Variants in PLEKHG1 observed in about 807,000 individuals in gnomAD.
PLEKHG1 encodes pleckstrin homology and RhoGEF domain containing G1.
A neutral mutation model predicts 100.8 loss-of-function variants in PLEKHG1; 44 were observed. The observed-to-expected ratio is 0.44, with a 90% CI of 0.34 to 0.56. The LOEUF (loss-of-function observed/expected upper bound fraction) is 0.56. Ranked by LOEUF, PLEKHG1 falls within the 20% of genes least tolerant of loss-of-function variation. The pLI, the probability that PLEKHG1 is intolerant of heterozygous loss-of-function variation, is 0.01. For missense variants in PLEKHG1, 1,545 were observed against 1,720.9 expected (o/e 0.90, Z 1.81); for synonymous variants, 640 against 662.5 (o/e 0.97, Z 0.52).
chr6:150,782,857 C>T (rs1291985830), intron 3 of PLEKHG1, among the ~76,000 whole-genome samples: 1 of 152,042 alleles, frequency 6.6e-6, no homozygotes, highest in Non-Finnish European at 1.5e-5. Context: ...CGTTGTGGCT[C>T]ATTTTCAAAT....
chr6:150,674,660 TCTCTCTCTCTCTCTCTCTCTCTCC>T lies in PLEKHG1; in HGVS notation c.-99+23876_-99+23899del, dbSNP rs1343724738. ...CTCTCTCTCTCTCTCTCTCTCTCTC[TCTCTCTCTCTCTCTCTCTCTCTCC>T]CCCCTCTTCTCTTCTTTCCATGGAG... On this transcript the variant is annotated intron_variant, in intron 3 of 3. Transcript: ENST00000367326. 4.3e-5 allele frequency among the ~76,000 whole-genome samples: 6 copies of T among 140,996 alleles called. No individual in the cohort carries two copies. In the East Asian group the frequency reaches 6.1e-4, roughly 14 times the overall value. The allele number at this position is 140,996 out of a possible 152,430, so 92.5% of individuals were successfully genotyped here.
At chr6:150,612,648 GAA>G (rs1271029859) in intron 1 of PLEKHG1, among the ~76,000 whole-genome samples, 1 of 152,068 alleles carries the variant, frequency 6.6e-6, no homozygotes, top group Admixed American at 6.6e-5. Flanking sequence ...GTGTTTTAAT[GAA>G]GACTTCTTCT....
chr6:150,818,502 C>G (rs759607210), intron 11 of PLEKHG1, among the ~76,000 whole-genome samples: 1 of 152,166 alleles, frequency 6.6e-6, no homozygotes, highest in Non-Finnish European at 1.5e-5. Flanking sequence ...TACCCCTACC[C>G]CTGCCCCAAC....
At chr6:150,705,999 C>T (rs768801673) in intron 3 of PLEKHG1, among the ~76,000 whole-genome samples, 1 of 152,082 alleles carries the variant, frequency 6.6e-6, no homozygotes, top group Non-Finnish European at 1.5e-5. Flanking sequence ...TTTTTCCTTG[C>T]CCGTAAATCC....
intron 2 of PLEKHG1, among the ~76,000 whole-genome samples, chr6:150,751,862 G>A (rs7774822): frequency 0.17 from 26,513 of 152,188 alleles, 4,047 homozygotes; most frequent in African/African-American, 0.41. Context: ...AATAGCAAGG[G>A]AAATTTGTAT....
intron 3 of PLEKHG1, among the ~76,000 whole-genome samples, chr6:150,697,860 C>T (rs1780608189): frequency 6.6e-6 from 1 of 152,116 alleles, no homozygotes; most frequent in African/African-American, 2.4e-5. Flanking sequence ...TTCTGGTCCT[C>T]TTTGATAGAT....
intron 1 of PLEKHG1, among the ~76,000 whole-genome samples, chr6:150,623,594 G>A (rs977189580): frequency 6.6e-6 from 1 of 152,216 alleles, no homozygotes; most frequent in Non-Finnish European, 1.5e-5. Context: ...CCAGTGTTCA[G>A]CCCTTGCGCG....
intron 10 of PLEKHG1, among the ~76,000 whole-genome samples, chr6:150,817,597 G>A (rs981255608): frequency 1.6e-4 from 21 of 135,312 alleles, no homozygotes; most frequent in African/African-American, 2.6e-4. Flanking sequence ...TTGCTCTGTC[G>A]CCCAGGCTAG....
At chr6:150,786,500 C>T (rs754017482) in intron 4 of PLEKHG1, 41 bp downstream of exon 5, 2 of 1,279,750 alleles carry the variant, frequency 1.6e-6, no homozygotes, top group South Asian at 2.5e-5. Flanking sequence ...GAGACAGATA[C>T]AGAGTACAGA....
intron 3 of PLEKHG1, among the ~76,000 whole-genome samples, chr6:150,710,747 T>C (rs2128604223): frequency 6.6e-6 from 1 of 152,304 alleles, no homozygotes; most frequent in Middle Eastern, 3.4e-3. Flanking sequence ...ACACCAGCAG[T>C]CTATGCCAGT....
rs1776945633 is a variant in PLEKHG1, at chr6:150,831,741, C to A, written c.2630C>A (p.Thr877Asn). The change falls in exon 15 of 16, where the codon ACC becomes AAC. Residue 877 changes from threonine (T) to asparagine (N), a missense_variant. By Grantham distance (65) the Thr-to-Asn change is moderately conservative (BLOSUM62 0). Transcript: ENST00000358517. This position sits in a 1 kb window ranked among gnomAD's most constrained non-coding sequence, Gnocchi z 4.1. The stretch of plus-strand genomic sequence containing the variant: ...CCAGACAGGCTGCACGCAGAGAGCA[C>A]CCCTGAGCTGAGCCGGGACGTGGGG... The A allele has an allele frequency of 1.9e-6, 3 of 1,613,644 alleles. No individual in the cohort carries two copies. The highest frequency in any genetic ancestry group is 2.5e-6 in the Non-Finnish European group (3 of 1,180,018).
chr6:150,717,747 G>A (rs6916056), upstream of PLEKHG1, among the ~76,000 whole-genome samples: 1,239 of 152,280 alleles, frequency 8.1e-3, 27 homozygotes, highest in African/African-American at 0.028. Flanking sequence ...CAAGGCACGC[G>A]TGTGCATTTT....
At chr6:150,694,261 C>A (rs751348801) in intron 3 of PLEKHG1, among the ~76,000 whole-genome samples, 14 of 152,162 alleles carry the variant, frequency 9.2e-5, no homozygotes, top group Non-Finnish European at 1.5e-4. Context: ...GGTTCAAATG[C>A]CAGTTTCACT....
At chr6:150,730,212 G>A (rs1782170033) in intron 1 of PLEKHG1, among the ~76,000 whole-genome samples, 1 of 152,070 alleles carries the variant, frequency 6.6e-6, no homozygotes, top group Non-Finnish European at 1.5e-5. Flanking sequence ...CCTAGAGACA[G>A]TATGTGCAGA....
chr6:150,832,239 G>T, intron 15 of PLEKHG1, 34 bp downstream of exon 16: 1 of 1,512,658 alleles, frequency 6.6e-7, no homozygotes, highest in South Asian at 1.3e-5. Flanking sequence ...CTTCTCCAAA[G>T]TAAGAGGGGA....
In PLEKHG1 at chr6:150,683,843, C is replaced by A. The variant is rs1201947162; in HGVS notation, c.-99+33057C>A. Reference sequence around the variant, plus strand: ...GTGTTCTGGGCCAAAGCATCACAGGCGAGTGAAATATGGGAATATTGAAGG... The same window carrying A: ...GTGTTCTGGGCCAAAGCATCACAGGAGAGTGAAATATGGGAATATTGAAGG... On this transcript the variant is annotated intron_variant, in intron 3 of 3. Transcript: ENST00000367326. The surrounding 1 kb of genome is among the most constrained non-coding windows in gnomAD (Gnocchi z 4.0). 9 of 1,284,650 alleles carry A rather than the reference C, an allele frequency of 7.0e-6. No individual in the cohort carries two copies. The highest frequency in any genetic ancestry group is 1.5e-5 in the African/African-American group (1 of 65,596). The allele number at this position is 1,284,650 out of a possible 1,614,324, so 79.6% of individuals were successfully genotyped here. A position where few individuals can be genotyped will look rare whatever the true frequency, so the allele number is the denominator to read the frequency against.
intron 2 of PLEKHG1, among the ~76,000 whole-genome samples, chr6:150,750,780 CAA>C (rs1158670858): frequency 5.3e-5 from 2 of 37,400 alleles, no homozygotes; most frequent in Non-Finnish European, 5.4e-5. Context: ...GACTCCATCT[CAA>C]AAAAAAAAAA....
intron 14 of PLEKHG1, chr6:150,828,080 G>A (rs543292037): frequency 8.9e-5 from 143 of 1,612,836 alleles, no homozygotes; most frequent in Non-Finnish European, 1.2e-4. Context: ...GACTTGCCAG[G>A]AAGTTTCCTG....
intron 13 of PLEKHG1, 35 bp from the exon 15 acceptor site, chr6:150,823,619 A>G (rs1337581692): frequency 1.3e-6 from 2 of 1,495,262 alleles, no homozygotes; most frequent in South Asian, 2.3e-5. Flanking sequence ...GTACATTTTC[A>G]TTCTCAAACT....
Sources: gnomAD v4.1 joint callset for allele counts (sites outside exome capture counted in the v4.1 genomes callset) on GRCh38, gnomAD v4.1.1 for gene constraint, Gnocchi (gnomAD v3.1) non-coding constraint, MANE v1.5 for transcripts, NCBI Gene and HGNC (gene_info 2026-07-23, HGNC 2026-07-21) for gene names.